Variants in JAKMIP2 observed in about 807,000 individuals in gnomAD.
JAKMIP2 encodes janus kinase and microtubule interacting protein 2.
In JAKMIP2, 25 loss-of-function variants were observed where a neutral mutation model predicts 115.0. The ratio of observed to expected loss-of-function variants is 0.22; its 90% CI spans 0.16 to 0.30. The LOEUF (loss-of-function observed/expected upper bound fraction) is 0.30, where lower values mean the gene tolerates loss of function less well. JAKMIP2 is among the 10% of genes least tolerant of loss of function. The pLI is 1.00. For missense variants in JAKMIP2, 642 were observed against 957.6 expected, an observed-to-expected ratio of 0.67 and a Z score of 4.35; for synonymous variants, 334 against 343.6, an observed-to-expected ratio of 0.97 and a Z score of 0.31.
chr5:147,640,851 T>C lies in JAKMIP2; in HGVS notation c.1282-28A>G, dbSNP rs745803354. 1.9e-6 allele frequency: 3 copies of C among 1,605,228 alleles called. No individual in the cohort carries two copies. In the Admixed American group the frequency reaches 5.1e-5, roughly 27 times the overall value. ...AAATGGAGGGAAAGTACCTATTTAC[T>C]GACATAGCTAACAGTAGGGAAAGTT... On this transcript the variant is annotated intron_variant, in intron 8 of 21. Coordinates refer to ENST00000616793, the MANE Select transcript of JAKMIP2 (RefSeq NM_001270941.2).
intron 17 of JAKMIP2, among the ~76,000 whole-genome samples, chr5:147,623,220 T>C (rs1756932599): frequency 6.7e-6 from 1 of 148,994 alleles, no homozygotes; most frequent in African/African-American, 2.6e-5. Flanking sequence ...TCTTTTGTTC[T>C]ACTCTTTTTT....
chr5:147,620,621 A>T (rs200405699), intron 18 of JAKMIP2, 45 bp downstream of exon 18: 19 of 1,346,042 alleles, frequency 1.4e-5, no homozygotes, highest in Non-Finnish European at 1.7e-5. Flanking sequence ...TCCACAGTGC[A>T]TAACTGTAAA....
intron 16 of JAKMIP2, among the ~76,000 whole-genome samples, chr5:147,628,048 T>C (rs1397025007): frequency 1.3e-5 from 2 of 151,998 alleles, no homozygotes; most frequent in Non-Finnish European, 2.9e-5. Context: ...TCTCACTATG[T>C]TGCCTAGGCT....
At position 147,728,512 on chromosome 5, in the gene JAKMIP2, C is replaced by T. The variant is rs1283672086; in HGVS notation, c.-149+53944G>A. Among the ~76,000 whole-genome samples, 4 of 152,084 alleles carry T rather than the reference C, an allele frequency of 2.6e-5. No individual in the cohort carries two copies. The East Asian group carries it at 7.7e-4, about 29-fold the overall frequency. On this transcript the variant is annotated intron_variant, in intron 1 of 21. Transcript: ENST00000616793. ...GTGTTTTAAAGAGAAACATTAAAAA[C>T]TGGCAAATGAAAAAAACTTACACGT...
At chr5:147,684,332 C>G (rs1760469912) in intron 1 of JAKMIP2, among the ~76,000 whole-genome samples, 1 of 142,478 alleles carries the variant, frequency 7.0e-6, no homozygotes, top group Non-Finnish European at 1.5e-5. Context: ...CACACACACA[C>G]ACTGAGAACA....
chr5:147,604,798 A>ATTT (rs1305237785), intron 20 of JAKMIP2, among the ~76,000 whole-genome samples: 1 of 95,444 alleles, frequency 1.0e-5, no homozygotes, highest in African/African-American at 3.8e-5. Context: ...TGGGCCAGAC[A>ATTT]TTTTATTATT....
At chr5:147,686,476 G>A (rs1760578350) in intron 1 of JAKMIP2, among the ~76,000 whole-genome samples, 1 of 152,038 alleles carries the variant, frequency 6.6e-6, no homozygotes, top group Non-Finnish European at 1.5e-5. Context: ...TCCCTTCAAT[G>A]TCTCTATCAC....
At chr5:147,592,433 C>G (rs1755143956) in intron 21 of JAKMIP2, among the ~76,000 whole-genome samples, 1 of 152,172 alleles carries the variant, frequency 6.6e-6, no homozygotes, top group Admixed American at 6.5e-5. Context: ...AAGGTGCTAC[C>G]CTGGGGATGT....
intron 1 of JAKMIP2, among the ~76,000 whole-genome samples, chr5:147,711,136 T>A (rs551129568): frequency 6.6e-6 from 1 of 152,290 alleles, no homozygotes; most frequent in Non-Finnish European, 1.5e-5. Flanking sequence ...GAACAAGGAC[T>A]TAATGGCAAA....
intron 15 of JAKMIP2, among the ~76,000 whole-genome samples, 188 bp from the exon 16 acceptor site, chr5:147,629,004 TG>T (rs1483614467): frequency 6.6e-6 from 1 of 152,168 alleles, no homozygotes; most frequent in East Asian, 1.9e-4. Context: ...ATATTAAACG[TG>T]ATTTTTTAAA....
chr5:147,756,464 T>C (rs919679234), intron 1 of JAKMIP2, among the ~76,000 whole-genome samples: 1 of 152,188 alleles, frequency 6.6e-6, no homozygotes, highest in African/African-American at 2.4e-5. Flanking sequence ...TTATAAGACA[T>C]TAAAACAGGA....
At chr5:147,595,212 C>T (rs1304209312) in intron 21 of JAKMIP2, among the ~76,000 whole-genome samples, 5 of 152,080 alleles carry the variant, frequency 3.3e-5, no homozygotes, top group Non-Finnish European at 2.9e-5. Context: ...AGAAAATTAA[C>T]GTTTGGAGAG....
In JAKMIP2 at chr5:147,647,739, T is replaced by A. The variant is rs534474668; in HGVS notation, c.936+637A>T. ...ATTGGTGGGAATTGTGACAACTCAC[T>A]GTTTGGTAATAACTATTGATGCTGA... On this transcript the variant is annotated intron_variant, in intron 5 of 21. Coordinates refer to ENST00000616793, the MANE Select transcript of JAKMIP2 (RefSeq NM_001270941.2). Among the ~76,000 whole-genome samples, 68 of 152,248 alleles carry A rather than the reference T, an allele frequency of 4.5e-4. No individual in the cohort carries two copies. The South Asian group carries it at 0.013, about 30-fold the overall frequency.
In JAKMIP2 at chr5:147,671,694, T is replaced by A. The variant is rs1182076949; in HGVS notation, c.113A>T (p.His38Leu). ...TKLTDIQIEL[H>L]QEKSKVSKLE... ...CTCGCTCACCTTGGACTTCTCTTGA[T>A]GCAGCTCTATCTGAATGTCTGTGAG... The change falls in exon 2 of 22, where the codon CAT becomes CTT. Residue 38 changes from histidine (H) to leucine (L), a missense_variant. Physicochemically the swap from His to Leu is moderately conservative, Grantham distance 99 (BLOSUM62 -3). Around this residue, in one of 6 missense-constraint regions of JAKMIP2, gnomAD observed 439 missense variants for 570.9 expected, o/e 0.77. Transcript: ENST00000616793. The A allele has an allele frequency of 6.5e-7, 1 of 1,528,946 alleles. No individual in the cohort carries two copies. The highest frequency in any genetic ancestry group is 2.5e-5 in the East Asian group (1 of 39,512). 94.7% of individuals were successfully genotyped at this position (1,528,946 alleles called of 1,614,324 possible). A position where few individuals can be genotyped will look rare whatever the true frequency, so the allele number is the denominator to read the frequency against.
intron 1 of JAKMIP2, among the ~76,000 whole-genome samples, chr5:147,692,060 T>C (rs981484787): frequency 6.6e-6 from 1 of 152,160 alleles, no homozygotes; most frequent in Non-Finnish European, 1.5e-5. Flanking sequence ...AAAAGATATG[T>C]TTAAGTCCTA....
intron 16 of JAKMIP2, among the ~76,000 whole-genome samples, chr5:147,623,906 G>A (rs1288891132): frequency 6.6e-6 from 1 of 151,902 alleles, no homozygotes; most frequent in African/African-American, 2.4e-5. Context: ...ACGTTATCTC[G>A]GCTCCTGCAA....
At chr5:147,648,223 T>C (rs76278379) in intron 5 of JAKMIP2, among the ~76,000 whole-genome samples, 153 bp downstream of exon 5, 3,682 of 152,168 alleles carry the variant, frequency 0.024, 169 homozygotes, top group African/African-American at 0.084. Context: ...GGATGGTGGT[T>C]TTTTGAGTGT....
chr5:147,601,479 G>A lies in JAKMIP2; in HGVS notation c.*20+262C>T, dbSNP rs756620022. Among the ~76,000 whole-genome samples, 70 of 151,962 alleles carry A rather than the reference G, an allele frequency of 4.6e-4. 1 individual carries two copies. The highest frequency in any genetic ancestry group is 8.8e-4 in the Non-Finnish European group (60 of 67,970). On this transcript the variant is annotated intron_variant, in intron 21 of 21. Coordinates refer to ENST00000616793, the MANE Select transcript of JAKMIP2 (RefSeq NM_001270941.2). ...CTGAGCATGGTGACACATGCCTGTA[G>A]TCCCAGCTACTCAGGAGGCTGAGGT...
chr5:147,721,572 T>A (rs1267793569), intron 1 of JAKMIP2, among the ~76,000 whole-genome samples: 3 of 152,192 alleles, frequency 2.0e-5, no homozygotes, highest in African/African-American at 7.2e-5. Context: ...TTTAAGCCCG[T>A]CGGAAAAGCG....
Sources: gnomAD v4.1 joint callset for allele counts (sites outside exome capture counted in the v4.1 genomes callset) on GRCh38, gnomAD v4.1.1 for gene constraint, gnomAD v4.1.1 regional missense constraint, MANE v1.5 for transcripts, NCBI Gene and HGNC (gene_info 2026-07-23, HGNC 2026-07-21) for gene names.